Variants in CASK observed in about 807,000 individuals in gnomAD.
CASK encodes the protein peripheral plasma membrane protein CASK.
CASK carries 4 observed loss-of-function variants against 82.9 expected under a neutral mutation model. That is an observed-to-expected ratio of 0.05 (90% CI 0.02 to 0.11). CASK has a LOEUF of 0.11. Among genes scored for constraint, CASK ranks in the 10% least tolerant of loss-of-function variants. The pLI, the probability that CASK is intolerant of heterozygous loss-of-function variation, is 1.00. For synonymous variants in CASK, 259 were observed against 253.5 expected, an observed-to-expected ratio of 1.02 and a Z score of -0.20; for missense variants, 358 against 720.9, an observed-to-expected ratio of 0.50 and a Z score of 5.76.
At chrX:41,763,708 T>G (rs2069051516) in intron 3 of CASK, among the ~76,000 whole-genome samples, 1 of 111,199 alleles carries the variant, frequency 9.0e-6, no homozygotes, top group Admixed American at 9.6e-5. Flanking sequence ...ATATATTTAC[T>G]ACTTCTTTCT....
intron 1 of CASK, among the ~76,000 whole-genome samples, chrX:41,918,662 A>G (rs1386806929): frequency 2.7e-5 from 3 of 112,657 alleles, no homozygotes; most frequent in Non-Finnish European, 5.6e-5. Context: ...TTTTTACACA[A>G]TAAGGCTGAG....
At chrX:41,737,956 T>A (rs1472241934) in intron 5 of CASK, among the ~76,000 whole-genome samples, 1 of 113,031 alleles carries the variant, frequency 8.8e-6, no homozygotes, top group Non-Finnish European at 1.9e-5. Flanking sequence ...CTTTCCACAC[T>A]TTTATTTCTT....
At chrX:41,783,503 C>G (rs7059718) in intron 3 of CASK, among the ~76,000 whole-genome samples, 1 of 104,591 alleles carries the variant, frequency 9.6e-6, no homozygotes, top group East Asian at 3.0e-4. Flanking sequence ...GAGCCAAGAT[C>G]GCGCCGCTGC....
At chrX:41,538,515 C>T (rs1451028679) in intron 22 of CASK, among the ~76,000 whole-genome samples, 1 of 111,628 alleles carries the variant, frequency 9.0e-6, no homozygotes, top group African/African-American at 3.3e-5. Flanking sequence ...GCTTTTTGTA[C>T]CAAGTATACA....
At chrX:41,695,620 C>T (rs1602482091) in intron 5 of CASK, 2 of 1,133,929 alleles carry the variant, frequency 1.8e-6, no homozygotes, top group East Asian at 6.0e-5. Flanking sequence ...ACTTTTTGAT[C>T]TCCACAGAAG....
At chrX:41,529,486 C>G (rs2064767122) in intron 25 of CASK, 1 of 122,675 alleles carries the variant, frequency 8.2e-6, no homozygotes, top group African/African-American at 3.3e-5. Flanking sequence ...CAGAGGGAGT[C>G]TGAGGAGCCC....
chrX:41,520,476 C>T lies in CASK; in HGVS notation c.2725G>A (p.Ala909Thr). ...IDETIRHLEE[A>T]VELVCTAPQW... ...GGGGCTGTGCACACGAGCTCAACAG[C>T]TTCCTCCAGATGTCTGATTGTCTCA... The change falls in exon 27 of 27, where the codon GCT becomes ACT. Residue 909 changes from alanine (A) to threonine (T), a missense_variant. Ala to Thr is a moderately conservative substitution (Grantham distance 58). Coordinates refer to ENST00000378163, the MANE Select transcript of CASK (RefSeq NM_001367721.1). 8.3e-7 allele frequency: 1 copy of T among 1,210,182 alleles called. No individual in the cohort carries two copies. Among genetic ancestry groups the T allele is most frequent in the Non-Finnish European group, 1.1e-6 (1 of 894,265 alleles).
intron 1 of CASK, among the ~76,000 whole-genome samples, chrX:41,901,253 G>A (rs768120368): frequency 5.4e-5 from 6 of 111,474 alleles, no homozygotes; most frequent in Non-Finnish European, 7.5e-5. Flanking sequence ...AGGCCAAGGC[G>A]GGTGGGTTGC....
At chrX:41,840,659 A>G (rs1327496158) in intron 2 of CASK, among the ~76,000 whole-genome samples, 3 of 112,156 alleles carry the variant, frequency 2.7e-5, no homozygotes, top group East Asian at 5.6e-4. Flanking sequence ...CTCATTCCCA[A>G]TTTTAGGGGA....
At chrX:41,690,990 T>C (rs1011513622) in intron 5 of CASK, among the ~76,000 whole-genome samples, 1 of 111,929 alleles carries the variant, frequency 8.9e-6, no homozygotes, top group Admixed American at 9.5e-5. Flanking sequence ...TGTGAATCAA[T>C]AATTGTATGC....
chrX:41,612,067 C>T (rs1311886083), intron 11 of CASK, among the ~76,000 whole-genome samples: 4 of 112,165 alleles, frequency 3.6e-5, no homozygotes, highest in Non-Finnish European at 5.7e-5. Context: ...ACCTCCCAGC[C>T]GCCTGCCTTG....
intron 1 of CASK, among the ~76,000 whole-genome samples, chrX:41,921,869 CAAAAAAAAAAAA>C (rs11298104): frequency 2.5e-5 from 1 of 39,757 alleles, no homozygotes; most frequent in African/African-American, 1.0e-4. Flanking sequence ...GCACCGCTTC[CAAAAAAAAAAAA>C]AAAAAAAAAA....
chrX:41,843,765 A>T (rs1457494209), intron 2 of CASK, among the ~76,000 whole-genome samples: 1 of 111,285 alleles, frequency 9.0e-6, no homozygotes, highest in African/African-American at 3.3e-5. Context: ...TGGAAATTTC[A>T]CATGAATAGA....
intron 25 of CASK, among the ~76,000 whole-genome samples, chrX:41,528,800 G>A (rs926871727): frequency 1.8e-5 from 2 of 112,265 alleles, no homozygotes; most frequent in Non-Finnish European, 3.8e-5. Context: ...AAAGCAAGTT[G>A]TTCATGGTCA....
intron 3 of CASK, among the ~76,000 whole-genome samples, chrX:41,783,395 T>C (rs1325818137): frequency 6.4e-5 from 7 of 109,288 alleles, no homozygotes; most frequent in Non-Finnish European, 1.3e-4. Flanking sequence ...TGAAACCCTG[T>C]CTCTACTAAA....
chrX:41,601,908 C>T (rs1335780267), intron 12 of CASK, among the ~76,000 whole-genome samples: 1 of 111,532 alleles, frequency 9.0e-6, no homozygotes, highest in East Asian at 2.8e-4. Flanking sequence ...GACTATCCCC[C>T]TTTCCATGTA....
At chrX:41,916,424 G>A (rs181633135) in intron 1 of CASK, among the ~76,000 whole-genome samples, 3 of 111,814 alleles carry the variant, frequency 2.7e-5, no homozygotes, top group African/African-American at 9.8e-5. Flanking sequence ...AGCAAGTTCT[G>A]TAGCATCTTA....
In CASK at chrX:41,524,202, C is replaced by T. The variant is rs113181574; in HGVS notation, c.2521-168G>A. The T allele has an allele frequency of 0.12, 51,077 of 441,299 alleles. 2,374 individuals are homozygous for T. The highest frequency in any genetic ancestry group is 0.15 in the Middle Eastern group (234 of 1,601). The allele number at this position is 441,299 out of a possible 1,213,427, so 36.4% of individuals were successfully genotyped here. A position where few individuals can be genotyped will look rare whatever the true frequency, so the allele number is the denominator to read the frequency against. ...CCAACTTTATACATAACTTATATTA[C>T]TTTTTTTCTAAAGGATGGACAATAG... On this transcript the variant is annotated intron_variant, in intron 25 of 26. Coordinates refer to ENST00000378163, the MANE Select transcript of CASK (RefSeq NM_001367721.1).
intron 22 of CASK, among the ~76,000 whole-genome samples, chrX:41,536,444 G>C (rs1305470772): frequency 9.0e-6 from 1 of 110,880 alleles, no homozygotes; most frequent in Non-Finnish European, 1.9e-5. Flanking sequence ...TTTATTAAGA[G>C]AACCTTCTAC....
Sources: allele counts gnomAD v4.1 joint callset (sites outside exome capture counted in the v4.1 genomes callset), GRCh38; gene constraint gnomAD v4.1.1; transcripts MANE v1.5; gene names NCBI Gene and HGNC (gene_info 2026-07-23, HGNC 2026-07-21).